The following SOX6 variants were observed in gnomAD, a reference collection of about 807,000 sequenced individuals.
SOX6 encodes SRY-box transcription factor 6.
In SOX6, 11 loss-of-function variants were observed where a neutral mutation model predicts 97.8. That is an observed-to-expected ratio of 0.11 (90% confidence interval 0.07 to 0.19). The LOEUF is 0.19. Ranked by LOEUF, SOX6 falls within the 10% of genes least tolerant of loss-of-function variation. The pLI is 1.00. For missense variants in SOX6, 810 were observed against 1,039.5 expected (o/e 0.78, Z 3.04); for synonymous variants, 360 against 371.4 (o/e 0.97, Z 0.35).
intron 4 of SOX6, among the ~76,000 whole-genome samples, chr11:16,198,808 C>G (rs912924866): frequency 5.3e-5 from 8 of 152,182 alleles, no homozygotes; most frequent in African/African-American, 1.9e-4. Flanking sequence ...GTTTTCCCTA[C>G]TACACTCTCT....
At chr11:16,373,075 A>G (rs1857534557) in intron 1 of SOX6, among the ~76,000 whole-genome samples, 2 of 152,120 alleles carry the variant, frequency 1.3e-5, no homozygotes, top group African/African-American at 4.8e-5. Context: ...TTGGCATTGT[A>G]CAGAATGTTA....
At chr11:16,652,831 A>T (rs181556099) in intron 3 of SOX6, among the ~76,000 whole-genome samples, 2 of 152,316 alleles carry the variant, frequency 1.3e-5, no homozygotes, top group Non-Finnish European at 2.9e-5. Context: ...TAGACAACCC[A>T]CAGAATAGGA....
chr11:15,974,487 C>T (rs952377174), intron 15 of SOX6, among the ~76,000 whole-genome samples: 1 of 147,726 alleles, frequency 6.8e-6, no homozygotes, highest in Non-Finnish European at 1.5e-5. Context: ...TGCGCTGCAC[C>T]CACTAATGTG....
chr11:16,474,915 C>G (rs1214755523), intron 1 of SOX6, among the ~76,000 whole-genome samples: 2 of 152,180 alleles, frequency 1.3e-5, no homozygotes, highest in Non-Finnish European at 2.9e-5. Flanking sequence ...ATGTAGTCAC[C>G]TTCATCAATG....
chr11:16,507,863 A>G (rs10832626), intron 4 of SOX6, among the ~76,000 whole-genome samples: 26,733 of 152,160 alleles, frequency 0.18, 2,739 homozygotes, highest in Admixed American at 0.31. Flanking sequence ...AATGGAAATG[A>G]AAACAAAAAT....
chr11:16,389,287 C>T (rs1858087190), intron 1 of SOX6, among the ~76,000 whole-genome samples: 1 of 152,064 alleles, frequency 6.6e-6, no homozygotes, highest in Non-Finnish European at 1.5e-5. Flanking sequence ...TGCTACATTG[C>T]CCAGGTTGGT....
intron 13 of SOX6, among the ~76,000 whole-genome samples, chr11:16,004,401 T>C (rs1854492260): frequency 6.6e-6 from 1 of 152,078 alleles, no homozygotes; most frequent in Non-Finnish European, 1.5e-5. Flanking sequence ...ACTCCTAACA[T>C]GACTAATTTA....
At chr11:16,410,692 G>A (rs1045069536) in intron 1 of SOX6, among the ~76,000 whole-genome samples, 4 of 146,118 alleles carry the variant, frequency 2.7e-5, no homozygotes, top group Admixed American at 2.1e-4. Flanking sequence ...CTGGGAGGTC[G>A]AGACTGCAGT....
chr11:16,225,764 T>C (rs1360778400), intron 4 of SOX6, among the ~76,000 whole-genome samples: 1 of 152,188 alleles, frequency 6.6e-6, no homozygotes, highest in Admixed American at 6.5e-5. Flanking sequence ...CCATGACTTT[T>C]GTGTTTCTGT....
At chr11:16,105,288 T>C (rs1214405514) in intron 7 of SOX6, among the ~76,000 whole-genome samples, 2 of 151,804 alleles carry the variant, frequency 1.3e-5, no homozygotes, top group South Asian at 2.1e-4. Flanking sequence ...ACCAACATGA[T>C]CATCTCAATT....
chr11:16,565,773 G>T (rs1419627408), intron 4 of SOX6, among the ~76,000 whole-genome samples: 1 of 144,636 alleles, frequency 6.9e-6, no homozygotes, highest in African/African-American at 2.6e-5. Context: ...TCAACAGAAA[G>T]AAATTCCAAT....
chr11:16,496,357 T>A (rs1162844653), intron 4 of SOX6, among the ~76,000 whole-genome samples: 1 of 148,234 alleles, frequency 6.7e-6, no homozygotes, highest in African/African-American at 2.5e-5. Context: ...CATGGCTGAA[T>A]AGGAACAGCT....
At chr11:16,711,061 T>G (rs1848175625) in intron 3 of SOX6, among the ~76,000 whole-genome samples, 1 of 152,162 alleles carries the variant, frequency 6.6e-6, no homozygotes, top group Non-Finnish European at 1.5e-5. Flanking sequence ...TATCTTGAAT[T>G]GCTCTATATC....
chr11:16,402,937 A>G, intron 1 of SOX6: 1 of 1,124,682 alleles, frequency 8.9e-7, no homozygotes, highest in Non-Finnish European at 1.3e-6. Context: ...AAACAAAACC[A>G]ATTTTTACAC....
chr11:16,454,020 G>A lies in SOX6; in HGVS notation c.-5+22295C>T, dbSNP rs145193160. 1.3e-3 allele frequency among the ~76,000 whole-genome samples: 195 copies of A among 152,208 alleles called. 1 individual carries two copies. Among genetic ancestry groups the A allele is most frequent in the African/African-American group, 4.6e-3 (192 of 41,568 alleles). On this transcript the variant is annotated intron_variant, in intron 1 of 15. Transcript: ENST00000396356. ...ACTTTATAAACATGCATTTTATAAT[G>A]AATAAGACAAGGCTACATGCAGAAT...
chr11:16,729,364 G>A (rs1216394493), intron 2 of SOX6, among the ~76,000 whole-genome samples: 1 of 152,190 alleles, frequency 6.6e-6, no homozygotes, highest in Non-Finnish European at 1.5e-5. Flanking sequence ...AAGCCCATAA[G>A]ACTAACAGCA....
At chr11:16,072,347 G>A (rs1848245745) in intron 9 of SOX6, among the ~76,000 whole-genome samples, 2 of 152,084 alleles carry the variant, frequency 1.3e-5, no homozygotes, top group Non-Finnish European at 2.9e-5. Context: ...AAGAAACTCA[G>A]AGCTTCAGGA....
chr11:16,638,661 G>C (rs1848835621), intron 3 of SOX6, among the ~76,000 whole-genome samples: 1 of 152,152 alleles, frequency 6.6e-6, no homozygotes. Context: ...GCATTTCTCT[G>C]ATGGCCAGTG....
At chr11:16,258,212 G>T (rs1853756903) in intron 3 of SOX6, among the ~76,000 whole-genome samples, 2 of 151,820 alleles carry the variant, frequency 1.3e-5, no homozygotes, top group Admixed American at 1.3e-4. Context: ...ATGTTCTTTG[G>T]TTTTTCTCAA....
Sources: allele counts gnomAD v4.1 joint callset (sites outside exome capture counted in the v4.1 genomes callset), GRCh38; gene constraint gnomAD v4.1.1; transcripts MANE v1.5; gene names NCBI Gene and HGNC (gene_info 2026-07-23, HGNC 2026-07-21).